PCDH11X: variants seen among roughly 807,000 people sequenced by gnomAD.
The protein encoded by PCDH11X is protocadherin-11 X-linked.
Under a neutral mutation model 53.3 loss-of-function variants are expected in PCDH11X, and 18 were observed. That is an observed-to-expected ratio of 0.34 (90% CI 0.23 to 0.50). The LOEUF is 0.50. Ranked by LOEUF, PCDH11X falls within the 20% of genes least tolerant of loss-of-function variation. The pLI is 0.98. For synonymous variants in PCDH11X, 279 were observed against 393.3 expected (o/e 0.71, Z 3.44); for missense variants, 570 against 1,032.4 (o/e 0.55, Z 6.14).
At chrX:92,573,540 A>G (rs1413532678) in intron 10 of PCDH11X, among the ~76,000 whole-genome samples, 1 of 110,475 alleles carries the variant, frequency 9.1e-6, no homozygotes, top group Non-Finnish European at 1.9e-5. Context: ...TTGTAAAAGA[A>G]CTCTAAAGTC....
chrX:92,193,049 A>G (rs190367438), intron 6 of PCDH11X, among the ~76,000 whole-genome samples: 19 of 112,079 alleles, frequency 1.7e-4, no homozygotes, highest in African/African-American at 5.8e-4. Flanking sequence ...CCCAGGTTAT[A>G]CAATTATAAT....
chrX:92,304,947 G>A (rs2068794394), intron 8 of PCDH11X, among the ~76,000 whole-genome samples: 1 of 97,812 alleles, frequency 1.0e-5, no homozygotes, highest in African/African-American at 3.6e-5. Context: ...AGCCATGATT[G>A]CAATGAATAT....
chrX:92,420,568 A>G (rs2071941766), intron 9 of PCDH11X: 1 of 330,157 alleles, frequency 3.0e-6, no homozygotes, highest in African/African-American at 2.7e-5. Context: ...TTTAATGGAT[A>G]TAAAGTTTTA....
chrX:92,181,917 G>A (rs905980705), intron 6 of PCDH11X, among the ~76,000 whole-genome samples: 7 of 112,571 alleles, frequency 6.2e-5, no homozygotes, highest in African/African-American at 2.3e-4. Context: ...AATATTGGGT[G>A]GGTGCCCCCA....
At chrX:92,096,432 A>ATG (rs1256578143) in intron 6 of PCDH11X, among the ~76,000 whole-genome samples, 1 of 65,572 alleles carries the variant, frequency 1.5e-5, no homozygotes, top group African/African-American at 6.0e-5. Context: ...AGTGGAGTGT[A>ATG]TGTGTATGTG....
chrX:92,216,596 G>A (rs945772382), intron 7 of PCDH11X, among the ~76,000 whole-genome samples: 2 of 98,673 alleles, frequency 2.0e-5, no homozygotes, highest in Admixed American at 1.1e-4. Context: ...TGAAAGTGAC[G>A]GGGAGAATGG....
At chrX:92,496,360 T>A (rs187801066) in intron 10 of PCDH11X, among the ~76,000 whole-genome samples, 1 of 103,129 alleles carries the variant, frequency 9.7e-6, no homozygotes, top group Admixed American at 1.1e-4. Context: ...AATTATATAA[T>A]AATTATGCAA....
At position 92,208,018 on chromosome X, in the gene PCDH11X, A is replaced by G. The variant is rs142213534; in HGVS notation, c.3114+6563A>G. 9.8e-3 allele frequency among the ~76,000 whole-genome samples: 1,070 copies of G among 109,116 alleles called. 12 individuals are homozygous for G. The highest frequency in any genetic ancestry group is 0.034 in the African/African-American group (1,014 of 29,927). 94.8% of individuals were successfully genotyped at this position (109,116 alleles called of 115,157 possible). A position where few individuals can be genotyped will look rare whatever the true frequency, so the allele number is the denominator to read the frequency against. On this transcript the variant is annotated intron_variant, in intron 7 of 10. Coordinates refer to ENST00000682573, the MANE Select transcript of PCDH11X (RefSeq NM_032968.5). The stretch of plus-strand genomic sequence containing the variant: ...AAGACCAACCTGGCCAAGGTGGTGA[A>G]ACCCCGTCTCTATTAAAAATACAAA...
chrX:92,215,219 G>A (rs181962815), intron 7 of PCDH11X, among the ~76,000 whole-genome samples: 85 of 110,349 alleles, frequency 7.7e-4, no homozygotes, highest in African/African-American at 2.4e-3. Flanking sequence ...TGGTTGCAGC[G>A]CACCGTGCGC....
At chrX:92,394,454 G>T (rs2071200540) in intron 9 of PCDH11X, among the ~76,000 whole-genome samples, 1 of 110,574 alleles carries the variant, frequency 9.0e-6, no homozygotes, top group South Asian at 3.8e-4. Flanking sequence ...ACCTAAAGTG[G>T]CAGAGAATAG....
chrX:92,485,190 T>A (rs1246394986), intron 10 of PCDH11X, among the ~76,000 whole-genome samples: 1 of 110,746 alleles, frequency 9.0e-6, no homozygotes, highest in African/African-American at 3.3e-5. Flanking sequence ...ATGGCTCAAA[T>A]TTTTAAGTAT....
intron 8 of PCDH11X, among the ~76,000 whole-genome samples, chrX:92,352,381 C>T (rs761822080): frequency 5.4e-5 from 6 of 111,080 alleles, no homozygotes; most frequent in Non-Finnish European, 1.1e-4. Flanking sequence ...AGATTTCTCC[C>T]CTCATATCTT....
intron 8 of PCDH11X, among the ~76,000 whole-genome samples, chrX:92,328,582 G>A (rs1159199529): frequency 3.0e-4 from 33 of 110,283 alleles, no homozygotes; most frequent in Non-Finnish European, 1.9e-5. Context: ...AAAGAGAGAA[G>A]AAAATTAATA....
chrX:92,247,884 T>A (rs1445466888), intron 7 of PCDH11X, among the ~76,000 whole-genome samples: 3 of 110,369 alleles, frequency 2.7e-5, no homozygotes, highest in Non-Finnish European at 5.6e-5. Context: ...CCTCTGTAGC[T>A]ATTGTGCATT....
chrX:92,330,134 AT>A (rs199961846), intron 8 of PCDH11X, among the ~76,000 whole-genome samples: 8 of 110,661 alleles, frequency 7.2e-5, no homozygotes, highest in Non-Finnish European at 1.1e-4. Flanking sequence ...CAAATTAAAA[AT>A]TTAAAAAAAA....
rs1422032971 is a variant in PCDH11X, at chrX:92,424,768, C to A, written c.3343+36835C>A. 3.1e-5 allele frequency among the ~76,000 whole-genome samples: 3 copies of A among 97,602 alleles called. 1 individual carries two copies. The highest frequency in any genetic ancestry group is 5.5e-3 in the Middle Eastern group (1 of 181). 84.8% of individuals were successfully genotyped at this position (97,602 alleles called of 115,157 possible). ...TCTATGTTTTGACTCTTTTTCTAAA[C>A]CTGCCTTCCTTTTGTTTACCTTTCA... On this transcript the variant is annotated intron_variant, in intron 9 of 10. Transcript: ENST00000682573.
chrX:91,968,138 T>G (rs950071288), intron 6 of PCDH11X, among the ~76,000 whole-genome samples: 3 of 112,044 alleles, frequency 2.7e-5, no homozygotes, highest in African/African-American at 9.7e-5. Context: ...CTCTTCACTG[T>G]AATAGAAAAT....
chrX:92,029,884 G>C lies in PCDH11X; in HGVS notation c.3033+150611G>C, dbSNP rs746292306. 5.0e-3 allele frequency among the ~76,000 whole-genome samples: 558 copies of C among 112,111 alleles called. 1 individual carries two copies. Among genetic ancestry groups the C allele is most frequent in the Non-Finnish European group, 6.3e-3 (334 of 53,257 alleles). On this transcript the variant is annotated intron_variant, in intron 6 of 10. Transcript: ENST00000682573. ...TAATTGATTTGTCCATTTCAGATGG[G>C]GGTGTTGATTGATATTAGAAATTCA...
intron 9 of PCDH11X, among the ~76,000 whole-genome samples, chrX:92,401,919 A>G (rs933043801): frequency 8.9e-6 from 1 of 112,253 alleles, no homozygotes; most frequent in Non-Finnish European, 1.9e-5. Flanking sequence ...AAAGAGATAT[A>G]ATCATTTTTG....
Sources: allele counts gnomAD v4.1 joint callset (sites outside exome capture counted in the v4.1 genomes callset), GRCh38; gene constraint gnomAD v4.1.1; transcripts MANE v1.5; gene names NCBI Gene and HGNC (gene_info 2026-07-23, HGNC 2026-07-21).